The following SLC17A1 variants were observed in gnomAD, a reference collection of about 807,000 sequenced individuals.
The protein encoded by SLC17A1 is solute carrier family 17 member 1, also known as sodium-dependent phosphate transport protein 1.
A neutral mutation model predicts 53.5 loss-of-function variants in SLC17A1; 51 were observed. The ratio of observed to expected loss-of-function variants is 0.95; its 90% CI spans 0.76 to 1.20. SLC17A1 has a LOEUF of 1.20. SLC17A1 is among the 50% of genes most tolerant of loss of function. The pLI is 0.00. For synonymous variants in SLC17A1, 179 were observed against 198.8 expected, an observed-to-expected ratio of 0.90 and a Z score of 0.84; for missense variants, 538 against 568.2, an observed-to-expected ratio of 0.95 and a Z score of 0.54.
At chr6:25,803,336 T>A (rs1179347978) in intron 10 of SLC17A1, among the ~76,000 whole-genome samples, 1 of 120,668 alleles carries the variant, frequency 8.3e-6, no homozygotes, top group Non-Finnish European at 1.8e-5. Context: ...GTGGGCAAGC[T>A]TCTTTATAAA....
At chr6:25,773,518 T>G in the SLC17A1 span, 3 of 1,613,854 alleles carry the variant, frequency 1.9e-6, no homozygotes, top group Non-Finnish European at 2.5e-6. Flanking sequence ...TCCAGGACTG[T>G]TCACCAGGCT....
At chr6:25,738,728 A>G in the SLC17A1 span, among the ~76,000 whole-genome samples, 41,259 of 152,060 alleles carry the variant, frequency 0.27, 6,809 homozygotes, top group East Asian at 0.7. Flanking sequence ...AACAATATTC[A>G]TGAAGAAACA....
chr6:25,830,753 C>T, intron 1 of SLC17A1, 146 bp from the exon 2 acceptor site: 1 of 476,594 alleles, frequency 2.1e-6, no homozygotes, highest in Non-Finnish European at 3.8e-6. Flanking sequence ...TTATGTGCTT[C>T]CCTTGATATT....
At chr6:25,728,573 G>T in the SLC17A1 span, among the ~76,000 whole-genome samples, 1 of 152,180 alleles carries the variant, frequency 6.6e-6, no homozygotes, top group South Asian at 2.1e-4. Flanking sequence ...CCTGCACTTT[G>T]GGAGGCAGAG....
At chr6:25,727,767 C>T in the SLC17A1 span, among the ~76,000 whole-genome samples, 1 of 152,042 alleles carries the variant, frequency 6.6e-6, no homozygotes, top group Non-Finnish European at 1.5e-5. Context: ...CGCCTGTAAT[C>T]CCAGCACTTG....
chr6:25,771,878 C>T, the SLC17A1 span, among the ~76,000 whole-genome samples: 2 of 152,100 alleles, frequency 1.3e-5, no homozygotes, highest in African/African-American at 4.8e-5. Flanking sequence ...TTGGAAAGTT[C>T]CAGAGGCAGT....
At chr6:25,774,257 A>T in the SLC17A1 span, among the ~76,000 whole-genome samples, 1 of 152,238 alleles carries the variant, frequency 6.6e-6, no homozygotes, top group Non-Finnish European at 1.5e-5. Context: ...TTCACAAAAT[A>T]GACAGATACT....
chr6:25,772,728 G>A, the SLC17A1 span, among the ~76,000 whole-genome samples: 2 of 152,178 alleles, frequency 1.3e-5, no homozygotes, highest in Non-Finnish European at 2.9e-5. Context: ...ATGATGAAAG[G>A]AACTCTGCAA....
At chr6:25,746,361 G>A in the SLC17A1 span, among the ~76,000 whole-genome samples, 3 of 137,870 alleles carry the variant, frequency 2.2e-5, no homozygotes, top group Non-Finnish European at 4.8e-5. Context: ...CATTTATAAA[G>A]GTAATTAACT....
chr6:25,806,918 A>T (rs1293239168), intron 10 of SLC17A1, among the ~76,000 whole-genome samples: 2 of 152,086 alleles, frequency 1.3e-5, no homozygotes, highest in Non-Finnish European at 2.9e-5. Context: ...AATAAACATA[A>T]GAAAAAATGC....
chr6:25,726,552 A>T, the SLC17A1 span: 1 of 1,589,344 alleles, frequency 6.3e-7, no homozygotes, highest in Non-Finnish European at 8.6e-7. Context: ...TTGCAGCAAC[A>T]CGAGAACCAC....
At chr6:25,776,917 G>A in the SLC17A1 span, 2 of 1,613,732 alleles carry the variant, frequency 1.2e-6, no homozygotes, top group Non-Finnish European at 1.7e-6. Context: ...AGCAGCTTCT[G>A]TGAATCAGGA....
intron 12 of SLC17A1, chr6:25,798,573 G>T: frequency 2.5e-6 from 1 of 396,680 alleles, no homozygotes; most frequent in Non-Finnish European, 4.4e-6. Flanking sequence ...TGTTAAAGAG[G>T]CCCAGCCTCC....
At chr6:25,779,101 T>C (rs775162186), downstream of SLC17A1, 2 of 1,613,816 alleles carry the variant, frequency 1.2e-6, no homozygotes, top group African/African-American at 2.7e-5. Context: ...CAGCTGCTGT[T>C]AACATATCGG....
rs532500116 is a variant in SLC17A1 at position 25,790,060 on chromosome 6, C to T, written c.*3-6842G>A. Among the ~76,000 whole-genome samples the T allele has an allele frequency of 2.6e-5, 4 of 152,066 alleles. No homozygotes were observed. In the East Asian group the frequency reaches 7.7e-4, roughly 29 times the overall value. On this transcript the variant is annotated intron_variant, in intron 12 of 12. Transcript: ENST00000244527. ...AGGAAAAAAAGCTCTTTGTACTACT[C>T]TTAAAAACTTTCCTGTACCTTGAGA...
In SLC17A1 at chr6:25,811,509, G is replaced by T. The variant is rs1453748397; in HGVS notation, c.1067C>A (p.Pro356His). The T allele has an allele frequency of 1.2e-6, 2 of 1,614,012 alleles. No homozygotes were observed. The highest frequency in any genetic ancestry group is 2.7e-5 in the African/African-American group (2 of 75,020). ...LLPAIFGVCLPYLSSTFYSIV... is the reference protein window; with the variant it reads ...LLPAIFGVCLHYLSSTFYSIV... ...GCTGTAGAAGGTGGAACTCAGGTAA[G>T]GCAGGCAGACACCAAAGATTGCAGG... is the stretch of plus-strand genomic sequence containing the variant. The change falls in exon 10 of 13, where the codon CCT becomes CAT. Residue 356 changes from proline to histidine, a missense_variant. Coordinates refer to ENST00000244527, the MANE Select transcript of SLC17A1 (RefSeq NM_005074.5).
the SLC17A1 span, among the ~76,000 whole-genome samples, chr6:25,764,759 A>G: frequency 1.3e-5 from 2 of 152,190 alleles, no homozygotes; most frequent in African/African-American, 2.4e-5. Flanking sequence ...TGAAGCGTGC[A>G]TGGGTCCACA....
At chr6:25,779,097 C>T, downstream of SLC17A1, 2 of 1,613,930 alleles carry the variant, frequency 1.2e-6, no homozygotes, top group Non-Finnish European at 8.5e-7. Context: ...CTTTCAGCTG[C>T]TGTTAACATA....
intron 5 of SLC17A1, 39 bp from the exon 6 acceptor site, chr6:25,819,193 G>A: frequency 2.1e-6 from 3 of 1,407,876 alleles, no homozygotes; most frequent in East Asian, 2.3e-5. Flanking sequence ...AATTAATGCA[G>A]GCATCTGAAA....
Sources: allele counts gnomAD v4.1 joint callset (sites outside exome capture counted in the v4.1 genomes callset), GRCh38; gene constraint gnomAD v4.1.1; transcripts MANE v1.5; gene names NCBI Gene and HGNC (gene_info 2026-07-23, HGNC 2026-07-21).